KCNH5: variants seen among roughly 807,000 people sequenced by gnomAD.
KCNH5 encodes voltage-gated delayed rectifier potassium channel KCNH5.
KCNH5 carries 46 observed loss-of-function variants against 96.1 expected under a neutral mutation model. The observed-to-expected ratio is 0.48, with a 90% CI of 0.38 to 0.61. The LOEUF is 0.61. Among genes scored for constraint, KCNH5 ranks in the 20% least tolerant of loss-of-function variants. KCNH5 has a pLI of 0.00. For missense variants in KCNH5, 907 were observed against 1,225.8 expected (o/e 0.74, Z 3.88); for synonymous variants, 439 against 449.8 (o/e 0.98, Z 0.30).
intron 10 of KCNH5, among the ~76,000 whole-genome samples, chr14:62,762,276 G>A (rs1885767504): frequency 6.6e-6 from 1 of 152,138 alleles, no homozygotes; most frequent in Non-Finnish European, 1.5e-5. Flanking sequence ...TGGAACAAGG[G>A]CAGTCTGATC....
intron 1 of KCNH5, among the ~76,000 whole-genome samples, chr14:63,024,208 C>CA (rs574336970): frequency 7.1e-6 from 1 of 140,178 alleles, no homozygotes; most frequent in Non-Finnish European, 1.6e-5. Flanking sequence ...GACTCCATCT[C>CA]AAAAAATATA....
chr14:62,970,656 C>T (rs1890389702), intron 6 of KCNH5, among the ~76,000 whole-genome samples: 1 of 152,066 alleles, frequency 6.6e-6, no homozygotes, highest in South Asian at 2.1e-4. Flanking sequence ...TACACTGTGA[C>T]CAACTGGATT....
chr14:62,903,667 A>G (rs1888972533), intron 7 of KCNH5, among the ~76,000 whole-genome samples: 1 of 152,004 alleles, frequency 6.6e-6, no homozygotes, highest in African/African-American at 2.4e-5. Context: ...AAAGCACAAT[A>G]GTAAACAAAC....
At chr14:63,021,021 C>T (rs1489243038) in intron 1 of KCNH5, among the ~76,000 whole-genome samples, 1 of 151,970 alleles carries the variant, frequency 6.6e-6, no homozygotes, top group Non-Finnish European at 1.5e-5. Context: ...TTTATAGTAT[C>T]AACTATAAAT....
chr14:62,712,696 G>T (rs756405519), intron 10 of KCNH5: 11 of 779,022 alleles, frequency 1.4e-5, no homozygotes, highest in Non-Finnish European at 2.4e-6. Context: ...TTCACAGAGC[G>T]TTTGCCATGG....
chr14:62,893,734 A>G (rs970536775), intron 7 of KCNH5, among the ~76,000 whole-genome samples: 6 of 139,124 alleles, frequency 4.3e-5, no homozygotes, highest in African/African-American at 1.7e-4. Context: ...TGGGCGACAG[A>G]GCGAGACTCC....
chr14:62,867,997 A>T (rs749897668), intron 7 of KCNH5, among the ~76,000 whole-genome samples: 10 of 152,254 alleles, frequency 6.6e-5, no homozygotes, highest in Non-Finnish European at 1.0e-4. Context: ...TTGTCTGTAT[A>T]ACCTGACGCT....
intron 8 of KCNH5, among the ~76,000 whole-genome samples, chr14:62,827,681 G>C (rs938281300): frequency 5.9e-5 from 9 of 152,054 alleles, no homozygotes. Flanking sequence ...CAGGTTTTTT[G>C]TCTGATTTTA....
At chr14:62,871,290 A>G (rs947208798) in intron 7 of KCNH5, among the ~76,000 whole-genome samples, 10 of 152,192 alleles carry the variant, frequency 6.6e-5, no homozygotes, top group African/African-American at 2.4e-4. Flanking sequence ...CAAATGCTAC[A>G]TAGGGTGCTA....
intron 10 of KCNH5, among the ~76,000 whole-genome samples, chr14:62,763,472 G>C (rs1885796520): frequency 6.6e-6 from 1 of 152,036 alleles, no homozygotes; most frequent in Admixed American, 6.6e-5. Flanking sequence ...ATCACACCTA[G>C]AGGAACTAGA....
At chr14:62,934,727 T>G (rs1045772623) in intron 7 of KCNH5, among the ~76,000 whole-genome samples, 2 of 152,186 alleles carry the variant, frequency 1.3e-5, no homozygotes, top group African/African-American at 4.8e-5. Context: ...TTAAAGCCCA[T>G]AGCCAAAACA....
At chr14:62,972,569 C>A (rs535799493) in intron 6 of KCNH5, among the ~76,000 whole-genome samples, 1 of 152,228 alleles carries the variant, frequency 6.6e-6, no homozygotes, top group African/African-American at 2.4e-5. Context: ...TTTATAGCAG[C>A]TTTATTCATA....
intron 7 of KCNH5, among the ~76,000 whole-genome samples, chr14:62,949,117 T>G (rs1023426465): frequency 9.2e-5 from 14 of 152,144 alleles, no homozygotes; most frequent in African/African-American, 3.1e-4. Flanking sequence ...GGATGCCCTC[T>G]CTCACCACTC....
chr14:62,729,369 C>T (rs1885002623), intron 10 of KCNH5, among the ~76,000 whole-genome samples: 1 of 152,198 alleles, frequency 6.6e-6, no homozygotes, highest in African/African-American at 2.4e-5. Context: ...TCCAGGACTA[C>T]AGACATAAAT....
intron 6 of KCNH5, among the ~76,000 whole-genome samples, chr14:62,963,224 G>A (rs1162894490): frequency 6.6e-6 from 1 of 152,000 alleles, no homozygotes; most frequent in East Asian, 1.9e-4. Flanking sequence ...ATTTCTTACT[G>A]TGCCTAATTT....
At chr14:62,771,100 C>T (rs191145495) in intron 10 of KCNH5, among the ~76,000 whole-genome samples, 109 of 151,774 alleles carry the variant, frequency 7.2e-4, no homozygotes, top group Non-Finnish European at 9.6e-4. Context: ...GAGAAGGTGG[C>T]CAGTGGCAAC....
chr14:62,720,599 G>C (rs747478456), intron 10 of KCNH5, among the ~76,000 whole-genome samples: 1 of 152,104 alleles, frequency 6.6e-6, no homozygotes, highest in Non-Finnish European at 1.5e-5. Flanking sequence ...GAAAAAAAGA[G>C]ACTTTTTGAG....
At chr14:63,020,646 A>C (rs2139611702) in intron 1 of KCNH5, among the ~76,000 whole-genome samples, 1 of 152,294 alleles carries the variant, frequency 6.6e-6, no homozygotes, top group East Asian at 1.9e-4. Context: ...GGAATGGTGG[A>C]GGAAGTGACC....
At chr14:62,843,923 A>T (rs1051704172) in intron 8 of KCNH5, among the ~76,000 whole-genome samples, 4 of 152,158 alleles carry the variant, frequency 2.6e-5, no homozygotes, top group Non-Finnish European at 5.9e-5. Context: ...TTCCCAAATT[A>T]AAAAAATATA....
Sources: gnomAD v4.1 joint callset for allele counts (sites outside exome capture counted in the v4.1 genomes callset) on GRCh38, gnomAD v4.1.1 for gene constraint, MANE v1.5 for transcripts, NCBI Gene and HGNC (gene_info 2026-07-23, HGNC 2026-07-21) for gene names.